CLMN: variants seen among roughly 807,000 people sequenced by gnomAD.
The protein encoded by CLMN is calmin (calponin-like, transmembrane).
In CLMN, 57 loss-of-function variants were observed where a neutral mutation model predicts 92.7. The observed-to-expected ratio is 0.61, with a 90% confidence interval of 0.50 to 0.77. The LOEUF is 0.77. CLMN is among the 30% of genes least tolerant of loss of function. The pLI is 0.00. For missense variants in CLMN, 1,158 were observed against 1,237.5 expected, an observed-to-expected ratio of 0.94 and a Z score of 0.96; for synonymous variants, 466 against 470.6, an observed-to-expected ratio of 0.99 and a Z score of 0.13.
chr14:95,261,993 G>A (rs562075977), intron 1 of CLMN, among the ~76,000 whole-genome samples: 1 of 152,376 alleles, frequency 6.6e-6, no homozygotes, highest in African/African-American at 2.4e-5. Context: ...TCTGGGCTCA[G>A]GAGGGCCCGC....
In CLMN at chr14:95,204,083, G is replaced by C. The variant is rs1241353858; in HGVS notation, c.1266C>G (p.Ile422Met). The C allele has an allele frequency of 1.2e-6, 2 of 1,614,080 alleles. No homozygotes were observed. Among genetic ancestry groups the C allele is most frequent in the South Asian group, 1.1e-5 (1 of 91,064 alleles). The part of the protein sequence containing the change: ...KENGRSNSLP[I>M]KKTVHFEADT... Reference sequence around the variant, plus strand: ...CAGCCTCAAAGTGAACTGTTTTCTTGATCGGCAAAGAGTTGGACCTCCCGT... The same window carrying C: ...CAGCCTCAAAGTGAACTGTTTTCTTCATCGGCAAAGAGTTGGACCTCCCGT... The change falls in exon 9 of 13, where the codon ATC becomes ATG. Residue 422 changes from isoleucine to methionine, a missense_variant. Coordinates refer to ENST00000298912, the MANE Select transcript of CLMN (RefSeq NM_024734.4).
Position 95,186,940 on chromosome 14 carries a change from G to A in CLMN, c.*4624C>T, listed in dbSNP as rs1445818152. 2 of 152,154 alleles carry A rather than the reference G, an allele frequency of 1.3e-5. No individual in the cohort carries two copies. Among genetic ancestry groups the A allele is most frequent in the Non-Finnish European group, 2.9e-5 (2 of 68,050 alleles). 9.4% of individuals were successfully genotyped at this position (152,154 alleles called of 1,614,324 possible). A position where few individuals can be genotyped will look rare whatever the true frequency, so the allele number is the denominator to read the frequency against. ...AGACCACCACATAGACTATATCTTT[G>A]GGGAGGCAGGAGATCTAAGATCATT... On this transcript the variant is annotated 3_prime_UTR_variant, in exon 13 of 13. Transcript: ENST00000298912.
At chr14:95,300,842 T>C (rs1424267004) in intron 1 of CLMN, among the ~76,000 whole-genome samples, 2 of 152,264 alleles carry the variant, frequency 1.3e-5, no homozygotes, top group Non-Finnish European at 2.9e-5. Flanking sequence ...TCTGTTCTCC[T>C]CACTTCTGTA....
chr14:95,208,276 G>A (rs930429772), intron 8 of CLMN, among the ~76,000 whole-genome samples: 2 of 152,140 alleles, frequency 1.3e-5, no homozygotes, highest in South Asian at 4.1e-4. Context: ...CCTAAGCCAG[G>A]GGCAAGGGTT....
chr14:95,289,184 C>A (rs1900456307), intron 1 of CLMN, among the ~76,000 whole-genome samples: 2 of 152,266 alleles, frequency 1.3e-5, no homozygotes, highest in South Asian at 4.1e-4. Flanking sequence ...TGTTATATGA[C>A]ACTTCATATA....
Position 95,213,335 on chromosome 14 carries a change from G to T in CLMN, c.492C>A (p.Asp164Glu), listed in dbSNP as rs1486899768. The T allele has an allele frequency of 6.2e-7, 1 of 1,613,830 alleles. No homozygotes were observed. Among genetic ancestry groups the T allele is most frequent in the East Asian group, 2.2e-5 (1 of 44,844 alleles). ...SSLSPGSGGTDSDSSFPPTPT... is the reference protein window; with the variant it reads ...SSLSPGSGGTESDSSFPPTPT... ...GTGTGGGTGGGAAGGATGAGTCTGA[G>T]TCTGTGCCCCCTGAGCCAGGGGACA... The change falls in exon 6 of 13, where the codon GAC (aspartate) becomes GAA (glutamate). Residue 164 changes from aspartate (D) to glutamate (E), a missense_variant. Physicochemically the swap from Asp to Glu is conservative, Grantham distance 45. Transcript: ENST00000298912.
In CLMN at chr14:95,193,913, A is replaced by G; in HGVS notation, c.2776T>C (p.Phe926Leu). ...GCGTTCCTCAACTGAACATAGCTAA[A>G]ATGATCCTACAGTGAAATTTATAAA... is the stretch of plus-strand genomic sequence containing the variant. ...HTHRSSESDH[F>L]SYVQLRNAAD... is the part of the protein sequence containing the mutation. The change falls in exon 12 of 13, where the codon TTT (phenylalanine) becomes CTT (leucine). Residue 926 changes from phenylalanine to leucine, a missense_variant. Physicochemically the swap from Phe to Leu is conservative, Grantham distance 22. Transcript: ENST00000298912. 13 of 1,613,834 alleles carry G rather than the reference A, an allele frequency of 8.1e-6. No homozygotes were observed. Among genetic ancestry groups the G allele is most frequent in the Non-Finnish European group, 1.1e-5 (13 of 1,179,940 alleles).
intron 1 of CLMN, among the ~76,000 whole-genome samples, chr14:95,235,829 G>C (rs1351576221): frequency 2.0e-5 from 3 of 152,146 alleles, no homozygotes; most frequent in East Asian, 1.9e-4. Context: ...GGAGACAAAG[G>C]GGGTGAGACG....
chr14:95,240,128 A>T (rs1898194171), intron 1 of CLMN, among the ~76,000 whole-genome samples: 1 of 152,240 alleles, frequency 6.6e-6, no homozygotes. Context: ...AGCACACTCG[A>T]CAATGTTTGT....
intron 1 of CLMN, among the ~76,000 whole-genome samples, chr14:95,246,117 T>G (rs1165480549): frequency 6.6e-6 from 1 of 152,204 alleles, no homozygotes. Flanking sequence ...TTCCTAGCAA[T>G]AGCACACAAC....
chr14:95,319,838 G>C lies in CLMN; in HGVS notation c.-46C>G. ...CGGGCCAGCGCGGCGCGGGCGGCGG[G>C]CGCGGAGAGCCTGGCTGGCGGGCGC... On this transcript the variant is annotated 5_prime_UTR_variant, in exon 1 of 13. Coordinates refer to ENST00000298912, the MANE Select transcript of CLMN (RefSeq NM_024734.4). 1.7e-6 allele frequency: 2 copies of C among 1,201,852 alleles called. No homozygotes were observed. The highest frequency in any genetic ancestry group is 2.1e-6 in the Non-Finnish European group (2 of 959,982). The allele number at this position is 1,201,852 out of a possible 1,614,324, so 74.4% of individuals were successfully genotyped here.
intron 1 of CLMN, among the ~76,000 whole-genome samples, chr14:95,253,837 A>C (rs1033306602): frequency 1.3e-5 from 2 of 151,908 alleles, no homozygotes; most frequent in Non-Finnish European, 2.9e-5. Context: ...GATGGTCTCG[A>C]TCTCCTGACC....
intron 5 of CLMN, among the ~76,000 whole-genome samples, chr14:95,213,943 C>A (rs945792239): frequency 4.6e-5 from 7 of 152,230 alleles, no homozygotes; most frequent in East Asian, 3.9e-4. Context: ...CAGTAGGTTA[C>A]GTCTAACTTA....
intron 1 of CLMN, among the ~76,000 whole-genome samples, chr14:95,255,055 A>G (rs1196327995): frequency 1.3e-5 from 2 of 152,166 alleles, no homozygotes; most frequent in African/African-American, 4.8e-5. Flanking sequence ...CAGTGTTCTT[A>G]TAAGAAGAGG....
intron 9 of CLMN, among the ~76,000 whole-genome samples, chr14:95,201,566 C>CTTTTTTTTTTTT (rs57205690): frequency 7.2e-6 from 1 of 139,670 alleles, no homozygotes; most frequent in Non-Finnish European, 1.6e-5. Flanking sequence ...CTTTTTTTTC[C>CTTTTTTTTTTTT]TTTTTTTTTT....
At chr14:95,214,224 T>G (rs568937685) in intron 5 of CLMN, among the ~76,000 whole-genome samples, 2 of 152,062 alleles carry the variant, frequency 1.3e-5, no homozygotes, top group African/African-American at 4.8e-5. Context: ...AGCCCTACGG[T>G]GGTGGATTTA....
At chr14:95,198,042 C>CTTTTTTTTTTTTTTT (rs1019598103) in intron 9 of CLMN, among the ~76,000 whole-genome samples, 5 of 69,960 alleles carry the variant, frequency 7.1e-5, no homozygotes, top group African/African-American at 2.4e-4. Flanking sequence ...TTTTTTCTTT[C>CTTTTTTTTTTTTTTT]TTTTTTTTTT....
At chr14:95,206,732 A>G (rs1897055793) in intron 8 of CLMN, among the ~76,000 whole-genome samples, 1 of 152,224 alleles carries the variant, frequency 6.6e-6, no homozygotes, top group Non-Finnish European at 1.5e-5. Flanking sequence ...TTCTGGCTCA[A>G]TCTTTTCCCA....
At chr14:95,231,554 A>G (rs1422104761) in intron 1 of CLMN, among the ~76,000 whole-genome samples, 1 of 152,134 alleles carries the variant, frequency 6.6e-6, no homozygotes, top group Non-Finnish European at 1.5e-5. Flanking sequence ...GTCCATGGAA[A>G]AATTTTCTTC....
Sources: allele counts gnomAD v4.1 joint callset (sites outside exome capture counted in the v4.1 genomes callset), GRCh38; gene constraint gnomAD v4.1.1; transcripts MANE v1.5; gene names NCBI Gene and HGNC (gene_info 2026-07-23, HGNC 2026-07-21).